Variants in PKHD1 observed in about 807,000 individuals in gnomAD.
PKHD1 encodes the protein PKHD1 ciliary IPT domain containing fibrocystin/polyductin, also known as fibrocystin.
PKHD1 carries 291 observed loss-of-function variants against 412.0 expected under a neutral mutation model. The observed-to-expected ratio is 0.71, with a 90% CI of 0.64 to 0.78. PKHD1 has a LOEUF of 0.78. PKHD1 is among the 30% of genes least tolerant of loss of function. The pLI, the probability that PKHD1 is intolerant of heterozygous loss-of-function variation, is 0.00. For synonymous variants in PKHD1, 1,777 were observed against 1,821.5 expected (o/e 0.98, Z 0.62); for missense variants, 4,825 against 4,950.7 (o/e 0.97, Z 0.76).
intron 35 of PKHD1, among the ~76,000 whole-genome samples, chr6:51,994,191 G>A (rs904589052): frequency 6.6e-6 from 1 of 150,582 alleles, no homozygotes; most frequent in Non-Finnish European, 1.5e-5. Flanking sequence ...CCGGAGTGCA[G>A]TGGCACTATC....
At chr6:51,651,501 C>A (rs1770961433) in intron 61 of PKHD1, among the ~76,000 whole-genome samples, 1 of 152,072 alleles carries the variant, frequency 6.6e-6, no homozygotes, top group Admixed American at 6.6e-5. Flanking sequence ...ATCAACTTGA[C>A]ACGCAATAGG....
At chr6:51,766,734 A>G (rs1392833674) in intron 55 of PKHD1, among the ~76,000 whole-genome samples, 1 of 151,404 alleles carries the variant, frequency 6.6e-6, no homozygotes. Flanking sequence ...GTTTTAGGGT[A>G]CATGTGCACA....
At chr6:52,045,158 A>C (rs1805586730) in intron 24 of PKHD1, 70 bp from the exon 25 acceptor site, 2 of 1,490,656 alleles carry the variant, frequency 1.3e-6, no homozygotes, top group Middle Eastern at 1.7e-4. Flanking sequence ...TCAAATAATA[A>C]AGAGTTTTTT....
In PKHD1 at chr6:51,830,996, A is replaced by G. The variant is rs767847750; in HGVS notation, c.8174-7T>C. 6.2e-7 allele frequency: 1 copy of G among 1,609,500 alleles called. No homozygotes were observed. The highest frequency in any genetic ancestry group is 8.5e-7 in the Non-Finnish European group (1 of 1,176,486). On this transcript the variant is annotated splice_region_variant and splice_polypyrimidine_tract_variant and intron_variant, in intron 51 of 66. Coordinates refer to ENST00000371117, the MANE Select transcript of PKHD1 (RefSeq NM_138694.4). ...TCAGGGGCAGAGGTAGAAGCTAGAA[A>G]ATAAAAAAAAATTTTGAAAATCTAA...
At position 52,043,011 on chromosome 6, in the gene PKHD1, A is replaced by C; in HGVS notation, c.2945T>G (p.Val982Gly). Reference protein sequence around the residue: ...KVIFSNQTNVVCQTDLLPVGM... With the variant: ...KVIFSNQTNVGCQTDLLPVGM... ...AACAGGTAGCAAATCTGTCTGACAG[A>C]CTACATTGGTCTGGTTTGAGAAAAT... The change falls in exon 27 of 67, where the codon GTC becomes GGC. Residue 982 changes from valine to glycine, a missense_variant. Val to Gly is a moderately radical substitution (Grantham distance 109). Coordinates refer to ENST00000371117, the MANE Select transcript of PKHD1 (RefSeq NM_138694.4). 1 of 1,614,084 alleles carries C rather than the reference A, an allele frequency of 6.2e-7. No individual in the cohort carries two copies. The highest frequency in any genetic ancestry group is 8.5e-7 in the Non-Finnish European group (1 of 1,179,928).
At position 51,741,033 on chromosome 6, in the gene PKHD1, A is replaced by ATAT; in HGVS notation, c.10156+3351_10156+3352insATA. ...CATGCTTGTCCACACACTGATAGTA[A>ATAT]ATCGTGTGTAATATGATATTACTCA... On this transcript the variant is annotated intron_variant, in intron 60 of 66. Transcript: ENST00000371117. 3.9e-6 allele frequency: 2 copies of ATAT among 509,594 alleles called. 1 individual carries two copies. Among genetic ancestry groups the ATAT allele is most frequent in the South Asian group, 2.9e-5 (2 of 69,304 alleles). 31.6% of individuals were successfully genotyped at this position (509,594 alleles called of 1,614,324 possible).
At chr6:51,912,720 G>A (rs977994954) in intron 37 of PKHD1, 144 bp from the exon 38 acceptor site, 5 of 668,692 alleles carry the variant, frequency 7.5e-6, no homozygotes, top group Admixed American at 5.1e-5. Flanking sequence ...GGATAGGTAA[G>A]CACTAATTTT....
chr6:51,726,371 A>G (rs929153952), intron 60 of PKHD1, among the ~76,000 whole-genome samples: 4 of 152,254 alleles, frequency 2.6e-5, no homozygotes, highest in African/African-American at 7.2e-5. Context: ...ATGGTAAAAT[A>G]AAGTGCATAT....
Position 51,727,879 on chromosome 6 carries a change from A to G in PKHD1, c.10156+16506T>C, listed in dbSNP as rs574403083. Among the ~76,000 whole-genome samples, 5 of 152,266 alleles carry G rather than the reference A, an allele frequency of 3.3e-5. No homozygotes were observed. The East Asian group carries it at 9.7e-4, about 29-fold the overall frequency. ...TTAGGGAGGCAATGTGATAATTGCCAAACCATCACTCAACATTCCTAGTGG... is the reference window on the plus strand; with the variant it reads ...TTAGGGAGGCAATGTGATAATTGCCGAACCATCACTCAACATTCCTAGTGG... On this transcript the variant is annotated intron_variant, in intron 60 of 66. Coordinates refer to ENST00000371117, the MANE Select transcript of PKHD1 (RefSeq NM_138694.4).
At chr6:51,655,874 T>A (rs1352979390) in intron 61 of PKHD1, among the ~76,000 whole-genome samples, 1 of 152,120 alleles carries the variant, frequency 6.6e-6, no homozygotes, top group Non-Finnish European at 1.5e-5. Flanking sequence ...ATAGGAACAC[T>A]TTTACACTGT....
intron 56 of PKHD1, 59 bp downstream of exon 56, chr6:51,754,725 T>C: frequency 6.8e-7 from 1 of 1,471,140 alleles, no homozygotes; most frequent in Non-Finnish European, 9.5e-7. Context: ...CCAGCTAGGT[T>C]ACCAAACATG....
chr6:51,867,077 T>G (rs1299602175), intron 48 of PKHD1, among the ~76,000 whole-genome samples: 2 of 152,154 alleles, frequency 1.3e-5, no homozygotes, highest in African/African-American at 4.8e-5. Flanking sequence ...TCCCTGAAGT[T>G]TACTTGTTCA....
chr6:51,668,609 T>G (rs1410387194), intron 60 of PKHD1, among the ~76,000 whole-genome samples: 2 of 151,806 alleles, frequency 1.3e-5, no homozygotes, highest in Admixed American at 1.3e-4. Context: ...AGAGAGGGCA[T>G]CCCTGTCTTG....
At chr6:52,066,965 A>T (rs1809824953) in intron 11 of PKHD1, among the ~76,000 whole-genome samples, 1 of 152,214 alleles carries the variant, frequency 6.6e-6, no homozygotes, top group Non-Finnish European at 1.5e-5. Context: ...CATAGTCCTC[A>T]GAATTTAGCT....
At chr6:52,007,552 C>T (rs1002579648) in intron 35 of PKHD1, among the ~76,000 whole-genome samples, 12 of 152,166 alleles carry the variant, frequency 7.9e-5, no homozygotes, top group Non-Finnish European at 1.6e-4. Context: ...TTGTTCTGTT[C>T]CCAAGCCCAG....
At chr6:51,754,682 T>C (rs1786667958) in intron 56 of PKHD1, 102 bp downstream of exon 56, 1 of 941,006 alleles carries the variant, frequency 1.1e-6, no homozygotes, top group Non-Finnish European at 1.8e-6. Flanking sequence ...GGCATTGTTC[T>C]TCCCCTCTGA....
rs1237976972 is a variant in PKHD1, at chr6:51,911,828, A to G, written c.6461T>C (p.Val2154Ala). Residue 2154 changes from valine to alanine, a missense_variant, in exon 39 of 67, where the codon GTT becomes GCT. Val to Ala is a moderately conservative substitution (Grantham distance 64, BLOSUM62 0). Coordinates refer to ENST00000371117, the MANE Select transcript of PKHD1 (RefSeq NM_138694.4). Reference protein sequence around the residue: ...NLTNEREKLLVSCQEANAPEG... With the variant: ...NLTNEREKLLASCQEANAPEG... ...TGGAGCATTGGCCTCCTGGCATGAA[A>G]CAAGCAGCTTCTCCCTCTCATTAGT... 6.8e-6 allele frequency: 11 copies of G among 1,613,054 alleles called. No individual in the cohort carries two copies. The highest frequency in any genetic ancestry group is 8.5e-6 in the Non-Finnish European group (10 of 1,179,332).
At chr6:51,891,692 G>A (rs932817900) in intron 43 of PKHD1, among the ~76,000 whole-genome samples, 2 of 147,614 alleles carry the variant, frequency 1.4e-5, no homozygotes, top group Non-Finnish European at 3.0e-5. Flanking sequence ...CTTCCTGAAT[G>A]TACCACATGT....
chr6:52,073,591 T>G (rs187879021), intron 6 of PKHD1, 50 bp from the exon 7 acceptor site: 1 of 1,056,908 alleles, frequency 9.5e-7, no homozygotes. Flanking sequence ...TCAAACTCAA[T>G]GTATAATAAA....
Sources: gnomAD v4.1 joint callset for allele counts (sites outside exome capture counted in the v4.1 genomes callset) on GRCh38, gnomAD v4.1.1 for gene constraint, MANE v1.5 for transcripts, NCBI Gene and HGNC (gene_info 2026-07-23, HGNC 2026-07-21) for gene names.